Variants in LHFPL3 observed in about 807,000 individuals in gnomAD.
LHFPL3 encodes the protein LHFPL tetraspan subfamily member 3, also known as LHFPL tetraspan subfamily member 3 protein.
In LHFPL3, 5 loss-of-function variants were observed where a neutral mutation model predicts 19.3. The ratio of observed to expected loss-of-function variants is 0.26; its 90% CI spans 0.14 to 0.54. LHFPL3 has a LOEUF of 0.54. LHFPL3 is among the 20% of genes least tolerant of loss of function. LHFPL3 has a pLI of 0.94. For synonymous variants in LHFPL3, 133 were observed against 126.2 expected, an observed-to-expected ratio of 1.05 and a Z score of -0.36; for missense variants, 249 against 307.4, an observed-to-expected ratio of 0.81 and a Z score of 1.42.
rs545453759 is a variant in LHFPL3, at chr7:104,399,740, G to A, written c.445+70516G>A. ...GCCCACCTCGGCCTCCCAAAGTGCT[G>A]GGATTACAGTTGTAAGCCACTGCGC... On this transcript the variant is annotated intron_variant, in intron 1 of 2. Coordinates refer to ENST00000424859, the MANE Select transcript of LHFPL3 (RefSeq NM_199000.3). This position sits in a 1 kb window ranked among gnomAD's most constrained non-coding sequence, Gnocchi z 4.4. 2.4e-4 allele frequency among the ~76,000 whole-genome samples: 36 copies of A among 150,440 alleles called. No homozygotes were observed. In the South Asian group the frequency reaches 6.5e-3, roughly 27 times the overall value.
At chr7:104,775,885 A>C (rs1443580993) in intron 2 of LHFPL3, among the ~76,000 whole-genome samples, 3 of 152,070 alleles carry the variant, frequency 2.0e-5, no homozygotes, top group Non-Finnish European at 4.4e-5. Context: ...CAGAACATAA[A>C]AAATGCATGC....
chr7:104,387,251 C>T (rs1198557202), intron 1 of LHFPL3, among the ~76,000 whole-genome samples: 1 of 151,998 alleles, frequency 6.6e-6, no homozygotes, highest in African/African-American at 2.4e-5. Context: ...GCCTGTAATC[C>T]CAGCTACTTG....
intron 2 of LHFPL3, among the ~76,000 whole-genome samples, chr7:104,827,419 G>C (rs1194885667): frequency 6.6e-6 from 1 of 151,972 alleles, no homozygotes; most frequent in Non-Finnish European, 1.5e-5. Context: ...GAAGATGGTA[G>C]GTACAATTAG....
At chr7:104,837,097 G>T (rs1468200247) in intron 2 of LHFPL3, among the ~76,000 whole-genome samples, 1 of 152,188 alleles carries the variant, frequency 6.6e-6, no homozygotes, top group African/African-American at 2.4e-5. Context: ...ATCTGCCACC[G>T]ATGGGTTGTG....
Position 104,546,940 on chromosome 7 carries a change from G to C in LHFPL3, c.446-189735G>C, listed in dbSNP as rs766382475. Among the ~76,000 whole-genome samples the C allele has an allele frequency of 1.3e-5, 2 of 152,084 alleles. 1 individual carries two copies. The highest frequency in any genetic ancestry group is 2.9e-5 in the Non-Finnish European group (2 of 68,020). ...AGCACAAATGTTAACAAGCTCTTAAGAAATAGTAGCTCAAGGCCGGGCGCG... is the reference window on the plus strand; with the variant it reads ...AGCACAAATGTTAACAAGCTCTTAACAAATAGTAGCTCAAGGCCGGGCGCG... On this transcript the variant is annotated intron_variant, in intron 1 of 2. Coordinates refer to ENST00000424859, the MANE Select transcript of LHFPL3 (RefSeq NM_199000.3).
chr7:104,862,800 G>C (rs571055889), intron 2 of LHFPL3, among the ~76,000 whole-genome samples: 1 of 152,304 alleles, frequency 6.6e-6, no homozygotes, highest in Non-Finnish European at 1.5e-5. Context: ...AGTAAGCAGA[G>C]CCTGATAAGT....
intron 1 of LHFPL3, among the ~76,000 whole-genome samples, chr7:104,425,236 A>T (rs1791821158): frequency 6.6e-6 from 1 of 151,784 alleles, no homozygotes; most frequent in Admixed American, 6.6e-5. Context: ...TGGAATTGGG[A>T]TTTTGGTGGG....
intron 1 of LHFPL3, 96 bp downstream of exon 1, chr7:104,329,320 T>C (rs1462783969): frequency 6.9e-7 from 1 of 1,448,962 alleles, no homozygotes; most frequent in African/African-American, 1.4e-5. Context: ...TGCGCGCCGC[T>C]GCGAGCCAAG....
intron 1 of LHFPL3, among the ~76,000 whole-genome samples, chr7:104,474,111 T>C (rs1025762017): frequency 2.0e-5 from 3 of 152,218 alleles, no homozygotes; most frequent in Admixed American, 1.3e-4. Context: ...TGGAGAGTTA[T>C]ATAAAATGAA....
At chr7:104,822,834 C>T (rs1790702292) in intron 2 of LHFPL3, among the ~76,000 whole-genome samples, 1 of 151,950 alleles carries the variant, frequency 6.6e-6, no homozygotes, top group Non-Finnish European at 1.5e-5. Flanking sequence ...AATTTAAAGA[C>T]AGTGTTAAAA....
chr7:104,737,947 A>T (rs577196223), intron 2 of LHFPL3, among the ~76,000 whole-genome samples: 19 of 152,302 alleles, frequency 1.2e-4, no homozygotes, highest in African/African-American at 4.3e-4. Context: ...ACATGTAATG[A>T]TATAGCAGGC....
At chr7:104,901,464 A>G (rs1792482708) in intron 2 of LHFPL3, among the ~76,000 whole-genome samples, 1 of 152,174 alleles carries the variant, frequency 6.6e-6, no homozygotes, top group Non-Finnish European at 1.5e-5. Flanking sequence ...AATCCAAGCA[A>G]ACATTCCCAG....
intron 1 of LHFPL3, among the ~76,000 whole-genome samples, chr7:104,426,380 C>G (rs1372224148): frequency 6.6e-6 from 1 of 152,118 alleles, no homozygotes; most frequent in Admixed American, 6.5e-5. Context: ...CCTCATCCTC[C>G]CTAGTAGCTG....
intron 1 of LHFPL3, among the ~76,000 whole-genome samples, chr7:104,523,311 A>C (rs1047926935): frequency 4.6e-5 from 7 of 152,272 alleles, no homozygotes; most frequent in South Asian, 2.1e-4. Flanking sequence ...TCTGTGGACT[A>C]TATAAAACAC....
At chr7:104,738,467 T>G (rs1793870911) in intron 2 of LHFPL3, 2 of 152,276 alleles carry the variant, frequency 1.3e-5, no homozygotes, top group Admixed American at 6.5e-5. Context: ...AGATTATGAT[T>G]TTTGCCCCCA....
At chr7:104,810,244 G>A (rs79252441) in intron 2 of LHFPL3, among the ~76,000 whole-genome samples, 1,592 of 152,262 alleles carry the variant, frequency 0.01, 25 homozygotes, top group African/African-American at 0.035. Context: ...TGTGGGCCCC[G>A]GACTTCATCC....
At chr7:104,561,555 T>C (rs1244298551) in intron 1 of LHFPL3, among the ~76,000 whole-genome samples, 2 of 152,000 alleles carry the variant, frequency 1.3e-5, no homozygotes, top group Non-Finnish European at 2.9e-5. Context: ...CTCCATCCTT[T>C]TATTTTGAGC....
chr7:104,793,187 C>T (rs1349138897), intron 2 of LHFPL3, among the ~76,000 whole-genome samples: 5 of 152,172 alleles, frequency 3.3e-5, no homozygotes, highest in African/African-American at 4.8e-5. Flanking sequence ...TGAGCCACCG[C>T]GCCTGGCCCT....
At chr7:104,586,902 T>A (rs1790589812) in intron 1 of LHFPL3, among the ~76,000 whole-genome samples, 2 of 152,148 alleles carry the variant, frequency 1.3e-5, no homozygotes, top group Non-Finnish European at 1.5e-5. Context: ...TATGAAATGT[T>A]GAAAAGACCC....
Sources: allele counts gnomAD v4.1 joint callset (sites outside exome capture counted in the v4.1 genomes callset), GRCh38; gene constraint gnomAD v4.1.1; non-coding constraint Gnocchi (gnomAD v3.1); transcripts MANE v1.5; gene names NCBI Gene and HGNC (gene_info 2026-07-23, HGNC 2026-07-21).